BOD1L1: variants seen among roughly 807,000 people sequenced by gnomAD.
BOD1L1 encodes the protein biorientation of chromosomes in cell division 1 like 1, also known as biorientation of chromosomes in cell division protein 1-like 1.
A neutral mutation model predicts 240.7 loss-of-function variants in BOD1L1; 86 were observed. That is an observed-to-expected ratio of 0.36 (90% confidence interval 0.30 to 0.43). BOD1L1 has a LOEUF of 0.43. Among genes scored for constraint, BOD1L1 ranks in the 20% least tolerant of loss-of-function variants. The pLI is 1.00. For synonymous variants in BOD1L1, 1,268 were observed against 1,272.3 expected, an observed-to-expected ratio of 1.00 and a Z score of 0.07; for missense variants, 3,554 against 3,643.5, an observed-to-expected ratio of 0.98 and a Z score of 0.63.
intron 25 of BOD1L1, among the ~76,000 whole-genome samples, chr4:13,571,740 C>G (rs1006720327): frequency 7.9e-5 from 12 of 152,200 alleles, no homozygotes; most frequent in African/African-American, 2.7e-4. Context: ...TGCATTTTAC[C>G]AACAGCCTCA....
intron 16 of BOD1L1, among the ~76,000 whole-genome samples, chr4:13,587,219 G>C (rs1030685349): frequency 3.9e-5 from 6 of 152,156 alleles, no homozygotes; most frequent in Non-Finnish European, 7.4e-5. Flanking sequence ...GTGCTCAATA[G>C]TGACATGTGG....
In BOD1L1 at chr4:13,569,355, C is replaced by T. The variant is rs1375453215; in HGVS notation, c.*656G>A. 2 of 152,094 alleles carry T rather than the reference C, an allele frequency of 1.3e-5. No individual in the cohort carries two copies. The highest frequency in any genetic ancestry group is 2.9e-5 in the Non-Finnish European group (2 of 68,016). 9.4% of individuals were successfully genotyped at this position (152,094 alleles called of 1,614,324 possible). On this transcript the variant is annotated 3_prime_UTR_variant, in exon 26 of 26. Transcript: ENST00000040738. ...CAAGTTACATTCTTAAAAAACAGAG[C>T]CACAACTGTGAACAGAAAAGCAATG...
chr4:13,619,764 C>T (rs1184669401), intron 2 of BOD1L1, among the ~76,000 whole-genome samples, 179 bp downstream of exon 2: 1 of 152,080 alleles, frequency 6.6e-6, no homozygotes, highest in African/African-American at 2.4e-5. Flanking sequence ...TGTATAAGAA[C>T]ATGTGAAGTG....
intron 1 of BOD1L1, among the ~76,000 whole-genome samples, chr4:13,622,112 T>C (rs2109916): frequency 6.6e-6 from 1 of 152,036 alleles, no homozygotes; most frequent in Non-Finnish European, 1.5e-5. Context: ...TGATCCACCT[T>C]TCTCGGCCTC....
At chr4:13,609,674 G>A (rs996544180) in intron 6 of BOD1L1, among the ~76,000 whole-genome samples, 4 of 152,228 alleles carry the variant, frequency 2.6e-5, no homozygotes, top group African/African-American at 9.6e-5. Context: ...TGCCATTAAA[G>A]AAAGGGAAAG....
rs1366886895 is a variant in BOD1L1 at position 13,603,093 on chromosome 4, A to G, written c.3807T>C (p.Asp1269=). The change falls in exon 10 of 26, where the codon GAT becomes GAC. Residue 1269 remains aspartate, a synonymous_variant. Transcript: ENST00000040738. The part of the protein sequence containing the change: ...TAAEEHVAQG[D]ATLEHSTNLD... ...AATTTGTGGAATGTTCAAGAGTGGCATCTCCTTGAGCAACATGTTCTTCAG... is the reference window on the plus strand; with the variant it reads ...AATTTGTGGAATGTTCAAGAGTGGCGTCTCCTTGAGCAACATGTTCTTCAG... 6.2e-7 allele frequency: 1 copy of G among 1,614,006 alleles called. No individual in the cohort carries two copies. The highest frequency in any genetic ancestry group is 8.5e-7 in the Non-Finnish European group (1 of 1,179,858).
intron 18 of BOD1L1, 29 bp from the exon 19 acceptor site, chr4:13,582,339 G>A: frequency 1.3e-6 from 2 of 1,581,920 alleles, no homozygotes; most frequent in Middle Eastern, 1.7e-4. Flanking sequence ...TTTGTTCAAT[G>A]CTAGTGACCA....
intron 13 of BOD1L1, 40 bp from the exon 14 acceptor site, chr4:13,590,486 CA>C: frequency 9.2e-7 from 1 of 1,089,976 alleles, no homozygotes; most frequent in Non-Finnish European, 1.3e-6. Flanking sequence ...GATAGTCTCA[CA>C]AAAATTTAAA....
rs1036390129 is a variant in BOD1L1, at chr4:13,600,742, C to T, written c.6158G>A (p.Gly2053Asp). Residue 2053 changes from glycine to aspartate, a missense_variant, in exon 10 of 26, where the codon GGT becomes GAT. Gly to Asp is a moderately conservative substitution (Grantham distance 94). Transcript: ENST00000040738. ...TAAGCTATTCTGGTTGGTAATATCACCACTGGCTGTAGTTGCCATGAGACC... is the reference window on the plus strand; with the variant it reads ...TAAGCTATTCTGGTTGGTAATATCATCACTGGCTGTAGTTGCCATGAGACC... ...CDGLMATTAS[G>D]DITNQNSLAG... 4.3e-6 allele frequency: 7 copies of T among 1,613,970 alleles called. No homozygotes were observed. The highest frequency in any genetic ancestry group is 5.9e-6 in the Non-Finnish European group (7 of 1,179,876).
chr4:13,611,067 G>A lies in BOD1L1; in HGVS notation c.1358C>T (p.Thr453Ile), dbSNP rs143533649. ...EEKNKQNKTK[T>I]QTSDSSEGKT... ...TCCTTCACTAGAATCACTAGTTTGAGTTTTTGTTTTATTCTGTTTGTTCTT... is the reference window on the plus strand; with the variant it reads ...TCCTTCACTAGAATCACTAGTTTGAATTTTTGTTTTATTCTGTTTGTTCTT... Residue 453 changes from threonine (T) to isoleucine (I), a missense_variant, in exon 6 of 26, where the codon ACT (threonine) becomes ATT (isoleucine). By Grantham distance (89) the Thr-to-Ile change is moderately conservative. Transcript: ENST00000040738. 2 of 1,610,034 alleles carry A rather than the reference G, an allele frequency of 1.2e-6. No homozygotes were observed. The highest frequency in any genetic ancestry group is 2.7e-5 in the African/African-American group (2 of 74,764).
In BOD1L1 at chr4:13,581,024, A is replaced by G; in HGVS notation, c.8699T>C (p.Val2900Ala). ...TCATGTTTTGCAATTACTTACAGTG[A>G]CAATGCCAGTATCTGTTTTGGAGTC... The part of the protein sequence containing the change: ...KDDSKTDTGI[V>A]TVEQSPSSSK... The change falls in exon 21 of 26, where the codon GTC becomes GCC. Residue 2900 changes from valine to alanine, a missense_variant. Transcript: ENST00000040738. 1 of 1,574,782 alleles carries G rather than the reference A, an allele frequency of 6.4e-7. No homozygotes were observed.
intron 12 of BOD1L1, among the ~76,000 whole-genome samples, chr4:13,594,781 G>A (rs937251564): frequency 9.2e-5 from 14 of 152,264 alleles, no homozygotes; most frequent in African/African-American, 3.4e-4. Context: ...TGTAATCCCA[G>A]CTACTCAGGA....
At chr4:13,595,141 AAG>A (rs1714520506) in intron 12 of BOD1L1, among the ~76,000 whole-genome samples, 2 of 152,334 alleles carry the variant, frequency 1.3e-5, no homozygotes, top group East Asian at 1.9e-4. Flanking sequence ...TTCATGAAAA[AAG>A]AGTTGTTAAC....
intron 25 of BOD1L1, among the ~76,000 whole-genome samples, chr4:13,574,554 A>G (rs1240980617): frequency 6.6e-6 from 1 of 152,236 alleles, no homozygotes; most frequent in African/African-American, 2.4e-5. Context: ...CACTCACTCG[A>G]AGATGGCTAG....
intron 25 of BOD1L1, among the ~76,000 whole-genome samples, chr4:13,575,356 T>G (rs2108879680): frequency 6.6e-6 from 1 of 152,274 alleles, no homozygotes; most frequent in African/African-American, 2.4e-5. Flanking sequence ...ATTAATAGCT[T>G]GTAAATCACA....
chr4:13,577,310 G>A lies in BOD1L1; in HGVS notation c.8884+93C>T, dbSNP rs1301719730. 8 of 988,508 alleles carry A rather than the reference G, an allele frequency of 8.1e-6. No individual in the cohort carries two copies. The African/African-American group carries it at 1.2e-4, about 14-fold the overall frequency. The allele number at this position is 988,508 out of a possible 1,614,324, so 61.2% of individuals were successfully genotyped here. A position where few individuals can be genotyped will look rare whatever the true frequency, so the allele number is the denominator to read the frequency against. On this transcript the variant is annotated intron_variant, in intron 24 of 25. Transcript: ENST00000040738. ...TATTTATATAATATTAATATTAGCT[G>A]TACCCATTGGATTTTTCCTCATTCA... is the stretch of plus-strand genomic sequence containing the variant.
Position 13,601,591 on chromosome 4 carries a change from C to A in BOD1L1, c.5309G>T (p.Gly1770Val), listed in dbSNP as rs1309196472. The A allele has an allele frequency of 6.2e-7, 1 of 1,614,024 alleles. No individual in the cohort carries two copies. Among genetic ancestry groups the A allele is most frequent in the Admixed American group, 1.7e-5 (1 of 60,020 alleles). Reference protein sequence around the residue: ...VVLGDNDAPPGTSASQEGDGS... With the variant: ...VVLGDNDAPPVTSASQEGDGS... ...ATCTCCTTCTTGGCTGGCACTTGTT[C>A]CTGGTGGTGCATCATTATCTCCCAG... Residue 1770 changes from glycine to valine, a missense_variant, in exon 10 of 26, where the codon GGA becomes GTA. This residue lies in a region of BOD1L1 where 3,393 missense variants were observed against 3,427.1 expected (regional missense o/e 0.99). Transcript: ENST00000040738.
At chr4:13,577,059 TG>T in intron 24 of BOD1L1, 68 bp from the exon 25 acceptor site, 5 of 1,558,260 alleles carry the variant, frequency 3.2e-6, no homozygotes, top group Non-Finnish European at 4.3e-6. Context: ...GAGAGAGTCA[TG>T]GAGTTTAGAA....
intron 23 of BOD1L1, 34 bp downstream of exon 23, chr4:13,577,548 A>T (rs753081107): frequency 1.3e-6 from 2 of 1,592,926 alleles, no homozygotes; most frequent in Non-Finnish European, 1.7e-6. Flanking sequence ...TTGATTTCTA[A>T]ACAACATATC....
Sources: gnomAD v4.1 joint callset for allele counts (sites outside exome capture counted in the v4.1 genomes callset) on GRCh38, gnomAD v4.1.1 for gene constraint, gnomAD v4.1.1 regional missense constraint, MANE v1.5 for transcripts, NCBI Gene and HGNC (gene_info 2026-07-23, HGNC 2026-07-21) for gene names.